Variants in CEP290 observed in about 807,000 individuals in gnomAD.
CEP290 encodes the protein centrosomal protein of 290 kDa.
CEP290 carries 317 observed loss-of-function variants against 344.9 expected under a neutral mutation model. The observed-to-expected ratio is 0.92, with a 90% CI of 0.84 to 1.01. CEP290 has a LOEUF of 1.01. CEP290 is among the 50% of genes least tolerant of loss of function. The pLI, the probability that CEP290 is intolerant of heterozygous loss-of-function variation, is 0.00. For missense variants in CEP290, 2,754 were observed against 2,761.4 expected (o/e 1.00, Z 0.06); for synonymous variants, 932 against 895.8 (o/e 1.04, Z -0.72).
intron 20 of CEP290, among the ~76,000 whole-genome samples, chr12:88,112,253 T>C (rs138438902): frequency 4.6e-5 from 7 of 152,160 alleles, no homozygotes; most frequent in East Asian, 1.9e-4. Flanking sequence ...GCTCCCTACA[T>C]GGGGTTTTTG....
In CEP290 at chr12:88,090,743, T is replaced by A. The variant is rs1189042096; in HGVS notation, c.3558A>T (p.Gln1186His). Residue 1186 changes from glutamine (Q) to histidine (H), a missense_variant, in exon 30 of 54, where the codon CAA becomes CAT. Coordinates refer to ENST00000552810, the MANE Select transcript of CEP290 (RefSeq NM_025114.4). ...RDKEVESLRM[Q>H]LLDYQAQSDE... The stretch of plus-strand genomic sequence containing the variant: ...CTGCACATACCTGATAGTCTAGCAG[T>A]TGCATTCTGAGGGACTCTACTTCCT... The A allele has an allele frequency of 6.4e-7, 1 of 1,556,114 alleles. No individual in the cohort carries two copies. Among genetic ancestry groups the A allele is most frequent in the Admixed American group, 1.9e-5 (1 of 51,606 alleles).
At chr12:88,092,638 A>T in intron 29 of CEP290, 43 bp downstream of exon 29, 1 of 1,546,624 alleles carries the variant, frequency 6.5e-7, no homozygotes, top group Non-Finnish European at 8.7e-7. Flanking sequence ...AAATTAAAGA[A>T]GATACATCTA....
Position 88,136,706 on chromosome 12 carries a change from T to C in CEP290, c.378A>G (p.Gln126=). ...EICQLEKQLE[Q]KDRELEDMEK... ...CCATGTCCTCCAATTCTCTATCTTT[T>C]TGTTCTAATTGTTTTTCAAGTTGGC... Residue 126 remains glutamine, a synonymous_variant, in exon 6 of 54, where the codon CAA becomes CAG. Transcript: ENST00000552810. 1 of 1,613,768 alleles carries C rather than the reference T, an allele frequency of 6.2e-7. No homozygotes were observed. Among genetic ancestry groups the C allele is most frequent in the Non-Finnish European group, 8.5e-7 (1 of 1,179,750 alleles).
At chr12:88,062,967 A>C (rs993126384) in intron 45 of CEP290, among the ~76,000 whole-genome samples, 189 bp from the exon 46 acceptor site, 1 of 152,128 alleles carries the variant, frequency 6.6e-6, no homozygotes, top group Non-Finnish European at 1.5e-5. Context: ...GTGTATATGA[A>C]ATGTCAAGGT....
Position 88,118,569 on chromosome 12 carries a change from A to G in CEP290, c.1625T>C (p.Ile542Thr), listed in dbSNP as rs1180698614. Residue 542 changes from isoleucine to threonine, a missense_variant and splice_region_variant, in exon 17 of 54, where the codon ATT becomes ACT. Transcript: ENST00000552810. The stretch of plus-strand genomic sequence containing the variant: ...AAGTCGTTCTTCCTCTAGACTTTCA[A>G]TCTGCAAAGTATAAATTATTAGTAT... The part of the protein sequence containing the change: ...RAENQILLKE[I>T]ESLEEERLDL... The G allele has an allele frequency of 6.2e-7, 1 of 1,602,246 alleles. No homozygotes were observed.
In CEP290 at chr12:88,055,608, CT is replaced by C. The variant is rs1441877386; in HGVS notation, c.6927del (p.Val2310LeufsTer37). The C allele has an allele frequency of 7.6e-6, 12 of 1,578,722 alleles. No individual in the cohort carries two copies. In the East Asian group the frequency reaches 2.5e-4, roughly 33 times the overall value. Reference sequence around the variant, plus strand: ...TCAAGGTCTTCATTGTATTTGTTAACTTTTTGTTCTCTCTCTGTTGCTTCTT... The same window carrying C: ...TCAAGGTCTTCATTGTATTTGTTAACTTTTGTTCTCTCTCTGTTGCTTCTT... ...LVKEATEREQ[K>X]VNKYNEDLEQ... is the part of the protein sequence containing the mutation. On this transcript the variant is annotated frameshift_variant, in exon 50 of 54. Coordinates refer to ENST00000552810, the MANE Select transcript of CEP290 (RefSeq NM_025114.4). LOFTEE classifies it high-confidence loss of function.
Position 88,083,768 on chromosome 12 carries a change from AAAAAAGAAGAG to A in CEP290, c.4812+68_4812+78del. On this transcript the variant is annotated intron_variant, in intron 36 of 53. Coordinates refer to ENST00000552810, the MANE Select transcript of CEP290 (RefSeq NM_025114.4). The stretch of plus-strand genomic sequence containing the variant: ...CAACAAAAAGGGTAACTTCCATTCC[AAAAAAGAAGAG>A]AGCTGAATTTTAATTTACATGGTCA... 4 of 947,090 alleles carry A rather than the reference AAAAAAGAAGAG, an allele frequency of 4.2e-6. No homozygotes were observed. In the South Asian group the frequency reaches 6.2e-5, roughly 15 times the overall value. 58.7% of individuals were successfully genotyped at this position (947,090 alleles called of 1,614,324 possible).
At chr12:88,083,780 A>G (rs1207243430) in intron 36 of CEP290, 67 bp downstream of exon 36, 17 of 999,128 alleles carry the variant, frequency 1.7e-5, no homozygotes, top group Non-Finnish European at 2.1e-5. Flanking sequence ...AAAAGAAGAG[A>G]GCTGAATTTT....
intron 14 of CEP290, among the ~76,000 whole-genome samples, chr12:88,120,543 T>C (rs1387446400): frequency 6.6e-6 from 1 of 152,174 alleles, no homozygotes; most frequent in African/African-American, 2.4e-5. Context: ...CTTACCAAAA[T>C]ACTAAAAGAA....
In CEP290 at chr12:88,080,413, A is replaced by T. The variant is rs1318117888; in HGVS notation, c.5013-18T>A. On this transcript the variant is annotated intron_variant, in intron 37 of 53. Transcript: ENST00000552810. ...CTTGAAGCCTGATGTAAATAAACAT[A>T]TGTGTGTGTGTGTTTTTTAATTTTT... The T allele has an allele frequency of 1.5e-5, 23 of 1,564,878 alleles. No individual in the cohort carries two copies. Among genetic ancestry groups the T allele is most frequent in the Non-Finnish European group, 1.9e-5 (22 of 1,142,502 alleles).
rs1247729039 is a variant in CEP290 at position 88,080,344 on chromosome 12, C to G, written c.5064G>C (p.Glu1688Asp). ...ACTGGTCCAGAAGATACTTTAAATCCTCTACTTCCGCTTTTACTTTTTTCA... is the reference window on the plus strand; with the variant it reads ...ACTGGTCCAGAAGATACTTTAAATCGTCTACTTCCGCTTTTACTTTTTTCA... ...DEVKKVKAEV[E>D]DLKYLLDQSQ... Residue 1688 changes from glutamate to aspartate, a missense_variant, in exon 38 of 54, where the codon GAG (glutamate) becomes GAC (aspartate). By Grantham distance (45) the Glu-to-Asp change is conservative. Transcript: ENST00000552810. 3.1e-6 allele frequency: 5 copies of G among 1,613,448 alleles called. No individual in the cohort carries two copies. The African/African-American group carries it at 5.3e-5, about 17-fold the overall frequency.
At position 88,080,169 on chromosome 12, in the gene CEP290, T is replaced by C; in HGVS notation, c.5226+13A>G. The C allele has an allele frequency of 6.5e-7, 1 of 1,544,796 alleles. No individual in the cohort carries two copies. The highest frequency in any genetic ancestry group is 8.8e-7 in the Non-Finnish European group (1 of 1,135,894). On this transcript the variant is annotated intron_variant, in intron 38 of 53. Transcript: ENST00000552810. ...TTTTTCCTAAATGTTGATAATTTTCTGTTGTTACTTACTTTCTGTTGTTTC... is the reference window on the plus strand; with the variant it reads ...TTTTTCCTAAATGTTGATAATTTTCCGTTGTTACTTACTTTCTGTTGTTTC...
rs1323758514 is a variant in CEP290, at chr12:88,060,907, C to T, written c.6445G>A (p.Glu2149Lys). Reference protein sequence around the residue: ...KVVEKVQRENEQLKKASGILT... With the variant: ...KVVEKVQRENKQLKKASGILT... The stretch of plus-strand genomic sequence containing the variant: ...ATTCCTGATGCTTTTTTCAACTGTT[C>T]ATTTTCTCTCTGGACTTTTTCAACT... The change falls in exon 47 of 54, where the codon GAA becomes AAA. Residue 2149 changes from glutamate (E) to lysine (K), a missense_variant. Glu to Lys is a moderately conservative substitution (Grantham distance 56). Coordinates refer to ENST00000552810, the MANE Select transcript of CEP290 (RefSeq NM_025114.4). The T allele has an allele frequency of 1.3e-6, 2 of 1,553,418 alleles. No individual in the cohort carries two copies. The highest frequency in any genetic ancestry group is 2.4e-5 in the East Asian group (1 of 42,224).
chr12:88,054,975 T>G (rs555721873), intron 50 of CEP290, among the ~76,000 whole-genome samples: 1 of 152,242 alleles, frequency 6.6e-6, no homozygotes, highest in East Asian at 1.9e-4. Flanking sequence ...GTTACTGTGG[T>G]TAAAACATTG....
At chr12:88,099,164 G>A (rs572039028) in intron 26 of CEP290, among the ~76,000 whole-genome samples, 43 of 152,246 alleles carry the variant, frequency 2.8e-4, no homozygotes, top group African/African-American at 9.4e-4. Flanking sequence ...TTAGAGCTGC[G>A]AGGATGAAGA....
intron 29 of CEP290, among the ~76,000 whole-genome samples, chr12:88,091,266 G>C (rs2137313301): frequency 6.6e-6 from 1 of 152,150 alleles, no homozygotes; most frequent in African/African-American, 2.4e-5. Context: ...ATTTATCTAA[G>C]ACCATCACAC....
chr12:88,063,011 A>G (rs888547986), intron 45 of CEP290, among the ~76,000 whole-genome samples: 8 of 152,100 alleles, frequency 5.3e-5, no homozygotes, highest in Non-Finnish European at 8.8e-5. Context: ...CAATAATACA[A>G]ATTTAGAATT....
Position 88,064,239 on chromosome 12 carries a change from G to C in CEP290, c.6136-124C>G, listed in dbSNP as rs182175544. On this transcript the variant is annotated intron_variant, in intron 44 of 53. Transcript: ENST00000552810. ...TTCCTCAAAGGAATATGAGAAAATC[G>C]GAGTGTTCTGGTGAAAGCCAAAAAT... 18 of 769,460 alleles carry C rather than the reference G, an allele frequency of 2.3e-5. No individual in the cohort carries two copies. In the African/African-American group the frequency reaches 3.1e-4, roughly 13 times the overall value. 47.7% of individuals were successfully genotyped at this position (769,460 alleles called of 1,614,324 possible).
At chr12:88,131,139 C>A in intron 7 of CEP290, 26 bp downstream of exon 7, 1 of 1,477,130 alleles carries the variant, frequency 6.8e-7, no homozygotes, top group South Asian at 1.4e-5. Flanking sequence ...CTTTGTTGAA[C>A]CACCACAACT....
Sources: gnomAD v4.1 joint callset for allele counts (sites outside exome capture counted in the v4.1 genomes callset) on GRCh38, gnomAD v4.1.1 for gene constraint, MANE v1.5 for transcripts, NCBI Gene and HGNC (gene_info 2026-07-23, HGNC 2026-07-21) for gene names.